Variants in NBAS observed in about 807,000 individuals in gnomAD.
The protein encoded by NBAS is NAG/BC035112 fusion.
NBAS carries 219 observed loss-of-function variants against 302.5 expected under a neutral mutation model. The observed-to-expected ratio is 0.72, with a 90% CI of 0.65 to 0.81. The LOEUF (loss-of-function observed/expected upper bound fraction) is 0.81, where lower values mean the gene tolerates loss of function less well. Among genes scored for constraint, NBAS ranks in the 30% least tolerant of loss-of-function variants. NBAS has a pLI of 0.00. For missense variants in NBAS, 2,932 were observed against 2,841.6 expected, an observed-to-expected ratio of 1.03 and a Z score of -0.72; for synonymous variants, 1,118 against 1,021.6, an observed-to-expected ratio of 1.09 and a Z score of -1.80.
intron 44 of NBAS, among the ~76,000 whole-genome samples, chr2:15,259,370 A>G (rs546762590): frequency 1.3e-5 from 2 of 152,318 alleles, no homozygotes; most frequent in African/African-American, 4.8e-5. Context: ...GGCTTCTAGC[A>G]AGGCCATGTC....
chr2:15,050,450 G>A, the NBAS span, among the ~76,000 whole-genome samples: 3 of 152,070 alleles, frequency 2.0e-5, no homozygotes, highest in Non-Finnish European at 2.9e-5. Context: ...ACCACACCCA[G>A]CAAGGTCTCA....
At chr2:14,943,471 T>C in the NBAS span, among the ~76,000 whole-genome samples, 1 of 152,232 alleles carries the variant, frequency 6.6e-6, no homozygotes, top group African/African-American at 2.4e-5. Flanking sequence ...CCTAATTGCA[T>C]TGCAGTGTCA....
chr2:15,154,604 C>T, the NBAS span, among the ~76,000 whole-genome samples: 1 of 152,206 alleles, frequency 6.6e-6, no homozygotes, highest in African/African-American at 2.4e-5. Context: ...CTATGCTAGG[C>T]AGCAAGCCTT....
At chr2:15,365,198 C>T (rs1202268344) in intron 32 of NBAS, among the ~76,000 whole-genome samples, 2 of 152,154 alleles carry the variant, frequency 1.3e-5, no homozygotes, top group African/African-American at 4.8e-5. Flanking sequence ...TCTCTCTTCC[C>T]ATTAAAAACT....
chr2:15,178,942 A>C (rs373019504), intron 51 of NBAS, 46 bp downstream of exon 51: 14 of 1,559,608 alleles, frequency 9.0e-6, no homozygotes, highest in Non-Finnish European at 1.2e-5. Context: ...TTCCTTTGAA[A>C]CATTAAAAAA....
At chr2:15,360,875 C>T (rs1017571524) in intron 32 of NBAS, among the ~76,000 whole-genome samples, 5 of 152,104 alleles carry the variant, frequency 3.3e-5, no homozygotes, top group African/African-American at 1.2e-4. Flanking sequence ...CTGCCTGAGG[C>T]TATTTTAAAG....
At chr2:14,818,452 G>A in the NBAS span, among the ~76,000 whole-genome samples, 2 of 152,218 alleles carry the variant, frequency 1.3e-5, no homozygotes, top group African/African-American at 4.8e-5. Context: ...ACAGATTCAA[G>A]GCAAATAATT....
At chr2:15,080,427 C>G in the NBAS span, among the ~76,000 whole-genome samples, 1 of 152,268 alleles carries the variant, frequency 6.6e-6, no homozygotes, top group Non-Finnish European at 1.5e-5. Flanking sequence ...CCTTGTTTGA[C>G]CAACACTTGA....
At chr2:15,191,583 G>A (rs1345141040) in intron 48 of NBAS, among the ~76,000 whole-genome samples, 4 of 152,070 alleles carry the variant, frequency 2.6e-5, no homozygotes, top group African/African-American at 9.7e-5. Context: ...TTTGTGTGGA[G>A]GACAGCACAG....
At chr2:15,005,590 A>G in the NBAS span, among the ~76,000 whole-genome samples, 2 of 152,238 alleles carry the variant, frequency 1.3e-5, no homozygotes, top group East Asian at 1.9e-4. Context: ...TTGTCCCTGC[A>G]CTGCTGTTCC....
At chr2:15,183,573 C>T (rs1397029020) in intron 50 of NBAS, among the ~76,000 whole-genome samples, 1 of 152,204 alleles carries the variant, frequency 6.6e-6, no homozygotes, top group East Asian at 1.9e-4. Flanking sequence ...ATAGACAGAA[C>T]TAGCATTTTC....
chr2:15,115,788 A>T, the NBAS span, among the ~76,000 whole-genome samples: 1 of 152,128 alleles, frequency 6.6e-6, no homozygotes, highest in Non-Finnish European at 1.5e-5. Flanking sequence ...CTAGGATTAC[A>T]GGTGTGAGTC....
chr2:15,438,551 C>T (rs1336700294), intron 21 of NBAS, among the ~76,000 whole-genome samples: 6 of 152,180 alleles, frequency 3.9e-5, no homozygotes, highest in Non-Finnish European at 8.8e-5. Flanking sequence ...ACACCAGGCA[C>T]TGCAGGATAA....
At chr2:14,835,042 A>T in the NBAS span, among the ~76,000 whole-genome samples, 1 of 152,246 alleles carries the variant, frequency 6.6e-6, no homozygotes, top group Non-Finnish European at 1.5e-5. Context: ...ATAGAAGTTT[A>T]TTAAACGTGG....
chr2:15,206,699 G>A (rs185347620), intron 48 of NBAS, among the ~76,000 whole-genome samples: 1 of 152,196 alleles, frequency 6.6e-6, no homozygotes, highest in Non-Finnish European at 1.5e-5. Flanking sequence ...GCTAAAAGGG[G>A]CAAACACAGA....
At chr2:15,082,122 G>A in the NBAS span, among the ~76,000 whole-genome samples, 1 of 152,138 alleles carries the variant, frequency 6.6e-6, no homozygotes, top group Non-Finnish European at 1.5e-5. Flanking sequence ...AAGGATGGTG[G>A]TATTGGTGGT....
chr2:15,018,643 A>C, the NBAS span, among the ~76,000 whole-genome samples: 1 of 151,628 alleles, frequency 6.6e-6, no homozygotes, highest in Non-Finnish European at 1.5e-5. Flanking sequence ...TTTCCTCTTT[A>C]TTCAAATCCA....
At chr2:14,834,078 G>T in the NBAS span, among the ~76,000 whole-genome samples, 1 of 152,046 alleles carries the variant, frequency 6.6e-6, no homozygotes, top group African/African-American at 2.4e-5. Context: ...TCTCTGCATG[G>T]CAAATAACTT....
chr2:14,779,470 C>T, the NBAS span, among the ~76,000 whole-genome samples: 10 of 152,168 alleles, frequency 6.6e-5, no homozygotes, highest in Non-Finnish European at 1.0e-4. Context: ...GACCTCATTT[C>T]CTTAGCTCCT....
Sources: allele counts gnomAD v4.1 joint callset (sites outside exome capture counted in the v4.1 genomes callset), GRCh38; gene constraint gnomAD v4.1.1; transcripts MANE v1.5; gene names NCBI Gene and HGNC (gene_info 2026-07-23, HGNC 2026-07-21).